The following WDR25 variants were observed in gnomAD, a reference collection of about 807,000 sequenced individuals.
WDR25 encodes the protein WD repeat-containing protein 25.
Under a neutral mutation model 47.7 loss-of-function variants are expected in WDR25, and 35 were observed. The observed-to-expected ratio is 0.73, with a 90% CI of 0.56 to 0.97. WDR25 has a LOEUF of 0.97. Among genes scored for constraint, WDR25 ranks in the 50% least tolerant of loss-of-function variants. WDR25 has a pLI of 0.00. For synonymous variants in WDR25, 248 were observed against 278.9 expected (o/e 0.89, Z 1.10); for missense variants, 634 against 704.7 (o/e 0.90, Z 1.14).
At chr14:100,481,103 CAAAAAAAAAAAAAAAAAAA>C (rs71113268) in intron 3 of WDR25, 1 of 246,946 alleles carries the variant, frequency 4.0e-6, no homozygotes, top group Non-Finnish European at 7.1e-6. Context: ...CAAAAAAGTG[CAAAAAAAAAAAAAAAAAAA>C]AAAAAAAAAA....
intron 2 of WDR25, among the ~76,000 whole-genome samples, chr14:100,459,902 A>G (rs970175595): frequency 0.14 from 5,259 of 38,292 alleles, 418 homozygotes; most frequent in African/African-American, 0.36. Flanking sequence ...GTGTATATAT[A>G]TATATATATA....
intron 4 of WDR25, among the ~76,000 whole-genome samples, chr14:100,507,583 C>G (rs1901154358): frequency 6.7e-6 from 1 of 150,206 alleles, no homozygotes; most frequent in African/African-American, 2.4e-5. Context: ...TTTCTTTCAG[C>G]AGTATTTTGT....
At chr14:100,399,879 C>T (rs1439853450) in intron 2 of WDR25, among the ~76,000 whole-genome samples, 4 of 152,148 alleles carry the variant, frequency 2.6e-5, no homozygotes, top group Admixed American at 1.3e-4. Context: ...AAAAGACTTA[C>T]TTGAATTTAC....
chr14:100,477,249 T>C lies in WDR25; in HGVS notation c.971-6745T>C, dbSNP rs574808466. 1.8e-4 allele frequency among the ~76,000 whole-genome samples: 28 copies of C among 152,336 alleles called. 1 individual carries two copies. The highest frequency in any genetic ancestry group is 1.7e-3 in the Admixed American group (26 of 15,302). Reference sequence around the variant, plus strand: ...TAGAGTCAGTAGAACAAATGGAATTTCTGCATTGTGTTTTAAACTTGTTTT... The same window carrying C: ...TAGAGTCAGTAGAACAAATGGAATTCCTGCATTGTGTTTTAAACTTGTTTT... On this transcript the variant is annotated intron_variant, in intron 3 of 6. Coordinates refer to ENST00000402312, the MANE Select transcript of WDR25 (RefSeq NM_001161476.3).
rs1415220595 is a variant in WDR25 at position 100,428,989 on chromosome 14, G to T, written c.823-39032G>T. ...GCTTCACTTCACATAAGTCATTTCAGATCCTGCACTTATTGAATCAGTGCA... is the reference window on the plus strand; with the variant it reads ...GCTTCACTTCACATAAGTCATTTCATATCCTGCACTTATTGAATCAGTGCA... On this transcript the variant is annotated intron_variant, in intron 2 of 6. Transcript: ENST00000402312. This position sits in a 1 kb window ranked among gnomAD's most constrained non-coding sequence, Gnocchi z 4.3. 2.0e-5 allele frequency among the ~76,000 whole-genome samples: 3 copies of T among 152,156 alleles called. No homozygotes were observed. The highest frequency in any genetic ancestry group is 7.2e-5 in the African/African-American group (3 of 41,424).
At chr14:100,448,383 C>G (rs73349419) in intron 2 of WDR25, among the ~76,000 whole-genome samples, 1 of 152,134 alleles carries the variant, frequency 6.6e-6, no homozygotes, top group African/African-American at 2.4e-5. Context: ...CCAGTGTCCC[C>G]TCTGTTCCTT....
chr14:100,469,785 C>G (rs1227590641), intron 3 of WDR25, among the ~76,000 whole-genome samples: 2 of 152,192 alleles, frequency 1.3e-5, no homozygotes, highest in Non-Finnish European at 2.9e-5. Context: ...GAGACAGGCG[C>G]CATCAGAATC....
chr14:100,384,971 C>T (rs938903590), intron 2 of WDR25, among the ~76,000 whole-genome samples: 8 of 152,294 alleles, frequency 5.3e-5, no homozygotes, highest in South Asian at 2.1e-4. Flanking sequence ...AAACATGCCT[C>T]GCTGGGTTTT....
At chr14:100,511,883 T>C (rs1301058015) in intron 4 of WDR25, among the ~76,000 whole-genome samples, 1 of 152,216 alleles carries the variant, frequency 6.6e-6, no homozygotes, top group Non-Finnish European at 1.5e-5. Context: ...TTTTTTATTC[T>C]GTTAATATGG....
chr14:100,408,618 A>G (rs960207481), intron 2 of WDR25, among the ~76,000 whole-genome samples: 1 of 152,148 alleles, frequency 6.6e-6, no homozygotes, highest in Non-Finnish European at 1.5e-5. Context: ...CATAGGACTC[A>G]GTGACGCAGC....
At chr14:100,467,558 A>G (rs1042842985) in intron 2 of WDR25, among the ~76,000 whole-genome samples, 2 of 152,146 alleles carry the variant, frequency 1.3e-5, no homozygotes, top group African/African-American at 2.4e-5. Context: ...CAGTGGTGCA[A>G]TCGTGATTCA....
rs145478745 is a variant in WDR25 at position 100,435,302 on chromosome 14, C to T, written c.823-32719C>T. On this transcript the variant is annotated intron_variant, in intron 2 of 6. Coordinates refer to ENST00000402312, the MANE Select transcript of WDR25 (RefSeq NM_001161476.3). ...TGCCAAGAGCAGGGCTCGCATCACC[C>T]TGGGTGCTAAGGAAAAAGGCCCCAG... Among the ~76,000 whole-genome samples the T allele has an allele frequency of 3.2e-4, 49 of 152,326 alleles. 1 individual carries two copies. In the East Asian group the frequency reaches 7.7e-3, roughly 24 times the overall value.
chr14:100,505,341 G>A (rs982748428), intron 4 of WDR25, among the ~76,000 whole-genome samples: 5 of 152,132 alleles, frequency 3.3e-5, no homozygotes, highest in African/African-American at 7.2e-5. Flanking sequence ...TTGTTGAAAC[G>A]ACATTATTTT....
chr14:100,528,930 TGTG>T (rs1181061729), intron 5 of WDR25, 135 bp from the exon 6 acceptor site: 4 of 984,934 alleles, frequency 4.1e-6, no homozygotes, highest in Non-Finnish European at 5.6e-6. Flanking sequence ...CCACCAAGCT[TGTG>T]GTGATTTGTC....
At position 100,502,887 on chromosome 14, in the gene WDR25, A is replaced by G. The variant is rs994237308; in HGVS notation, c.1101+18763A>G. On this transcript the variant is annotated intron_variant, in intron 4 of 6. Coordinates refer to ENST00000402312, the MANE Select transcript of WDR25 (RefSeq NM_001161476.3). This position sits in a 1 kb window ranked among gnomAD's most constrained non-coding sequence, Gnocchi z 4.5. ...ATGTATAAAGGCACGTAGGCACTAA[A>G]GGGCACAACATATGAGGGAATGGTG... 6.6e-6 allele frequency among the ~76,000 whole-genome samples: 1 copy of G among 152,170 alleles called. No individual in the cohort carries two copies. The highest frequency in any genetic ancestry group is 1.5e-5 in the Non-Finnish European group (1 of 68,020).
intron 2 of WDR25, among the ~76,000 whole-genome samples, chr14:100,436,104 C>T (rs1334034412): frequency 6.6e-6 from 1 of 152,250 alleles, no homozygotes; most frequent in African/African-American, 2.4e-5. Flanking sequence ...AAATTCTCAG[C>T]TCTGCTGTTG....
intron 4 of WDR25, among the ~76,000 whole-genome samples, chr14:100,519,197 G>A (rs1901610810): frequency 6.6e-6 from 1 of 151,796 alleles, no homozygotes; most frequent in African/African-American, 2.4e-5. Context: ...ACTTTTCAGA[G>A]TCTTCAGGTA....
intron 2 of WDR25, among the ~76,000 whole-genome samples, chr14:100,410,399 C>T (rs567991018): frequency 1.3e-5 from 2 of 152,192 alleles, no homozygotes; most frequent in East Asian, 3.9e-4. Context: ...GAGAGAACAT[C>T]GAGAATTGTA....
At chr14:100,451,918 G>C (rs1379321747) in intron 2 of WDR25, among the ~76,000 whole-genome samples, 1 of 152,172 alleles carries the variant, frequency 6.6e-6, no homozygotes, top group African/African-American at 2.4e-5. Context: ...ACAGAAGGGA[G>C]GTCCGCTTTC....
Sources: allele counts gnomAD v4.1 joint callset (sites outside exome capture counted in the v4.1 genomes callset), GRCh38; gene constraint gnomAD v4.1.1; non-coding constraint Gnocchi (gnomAD v3.1); transcripts MANE v1.5; gene names NCBI Gene and HGNC (gene_info 2026-07-23, HGNC 2026-07-21).